The following TRMT61A variants were observed in gnomAD, a reference collection of about 807,000 sequenced individuals.
TRMT61A encodes the protein tRNA methyltransferase 61A.
Under a neutral mutation model 21.3 loss-of-function variants are expected in TRMT61A, and 15 were observed. That is an observed-to-expected ratio of 0.70 (90% CI 0.47 to 1.08). The LOEUF is 1.08. Ranked by LOEUF, TRMT61A falls within the 50% of genes least tolerant of loss-of-function variation. The pLI is 0.00. For missense variants in TRMT61A, 352 were observed against 426.7 expected, an observed-to-expected ratio of 0.83 and a Z score of 1.54; for synonymous variants, 183 against 185.5, an observed-to-expected ratio of 0.99 and a Z score of 0.11.
Position 103,531,139 on chromosome 14 carries a change from TCTC to T in TRMT61A, c.331+833_331+835del, listed in dbSNP as rs2075952754. ...GAGAGAGCTCAATCAAGCAGCACCT[TCTC>T]CTGGCCTCCTCAGATATGCCAGGTC... On this transcript the variant is annotated intron_variant, in intron 2 of 3. Coordinates refer to ENST00000389749, the MANE Select transcript of TRMT61A (RefSeq NM_152307.3). The surrounding 1 kb of genome is among the most constrained non-coding windows in gnomAD (Gnocchi z 5.1). 6.6e-6 allele frequency among the ~76,000 whole-genome samples: 1 copy of T among 152,076 alleles called. No individual in the cohort carries two copies. The highest frequency in any genetic ancestry group is 2.4e-5 in the African/African-American group (1 of 41,398).
chr14:103,535,910 G>A lies in TRMT61A; in HGVS notation c.*1089G>A, dbSNP rs1255591155. 1 of 153,528 alleles carries A rather than the reference G, an allele frequency of 6.5e-6. No homozygotes were observed. The highest frequency in any genetic ancestry group is 2.4e-5 in the African/African-American group (1 of 41,462). 9.5% of individuals were successfully genotyped at this position (153,528 alleles called of 1,614,324 possible). A position where few individuals can be genotyped will look rare whatever the true frequency, so the allele number is the denominator to read the frequency against. ...CTTGGAGCTGCCGCTGGTGCCTAGG[G>A]GGCCTGGGTTTCTGCCCAGGCAGCC... On this transcript the variant is annotated 3_prime_UTR_variant, in exon 4 of 4. Coordinates refer to ENST00000389749, the MANE Select transcript of TRMT61A (RefSeq NM_152307.3).
rs767250337 is a variant in TRMT61A, at chr14:103,530,251, C to T, written c.273C>T (p.Asp91=). 1.9e-6 allele frequency: 3 copies of T among 1,604,232 alleles called. No homozygotes were observed. The highest frequency in any genetic ancestry group is 2.6e-6 in the Non-Finnish European group (3 of 1,172,478). The change falls in exon 2 of 4, where the codon GAC becomes GAT. Residue 91 remains aspartate (D), a synonymous_variant. Transcript: ENST00000389749. ...GCACGCAGATCCTCTACTCCACAGA[C>T]ATCGCCCTCATCACCATGATGTTGG... is the stretch of plus-strand genomic sequence containing the variant. The part of the protein sequence containing the change: ...PHRTQILYST[D]IALITMMLEL...
chr14:103,529,344 A>G (rs2075945494), intron 1 of TRMT61A, 83 bp downstream of exon 1: 1 of 194,906 alleles, frequency 5.1e-6, no homozygotes, highest in Non-Finnish European at 1.1e-5. Context: ...CTGTCCCTCC[A>G]GCCTCGCATG....
Position 103,530,264 on chromosome 14 carries a change from A to AC in TRMT61A, c.288dup (p.Met97HisfsTer13). The AC allele has an allele frequency of 6.2e-7, 1 of 1,600,550 alleles. No homozygotes were observed. Among genetic ancestry groups the AC allele is most frequent in the Non-Finnish European group, 8.6e-7 (1 of 1,169,334 alleles). On this transcript the variant is annotated frameshift_variant, in exon 2 of 4. Coordinates refer to ENST00000389749, the MANE Select transcript of TRMT61A (RefSeq NM_152307.3). LOFTEE classifies it high-confidence loss of function. ...CTACTCCACAGACATCGCCCTCATCACCATGATGTTGGAGCTTCGGCCCGG... is the reference window on the plus strand; with the variant it reads ...CTACTCCACAGACATCGCCCTCATCACCCATGATGTTGGAGCTTCGGCCCGG...
In TRMT61A at chr14:103,530,162, C is replaced by T. The variant is rs1230227834; in HGVS notation, c.184C>T (p.Arg62Ter). Residue 62 changes from arginine (R) to a stop codon, truncating the protein, a stop_gained, in exon 2 of 4, where the codon CGA (arginine) becomes TGA (stop). Transcript: ENST00000389749. LOFTEE classifies it high-confidence loss of function. ...RPFGSKVTCG[R>*]GGWVYVLHPT... ...CTTCGGCTCCAAGGTGACGTGCGGC[C>T]GAGGTGGCTGGGTGTATGTGCTGCA... 2.5e-6 allele frequency: 4 copies of T among 1,612,686 alleles called. No individual in the cohort carries two copies. The highest frequency in any genetic ancestry group is 2.7e-5 in the African/African-American group (2 of 74,934).
Position 103,534,878 on chromosome 14 carries a change from G to T in TRMT61A, c.*57G>T. ...GAGCACTGAAGGGCTGGGCAGGGAGGCCAGAGGCACCTTATATGGTCAGCG... is the reference window on the plus strand; with the variant it reads ...GAGCACTGAAGGGCTGGGCAGGGAGTCCAGAGGCACCTTATATGGTCAGCG... On this transcript the variant is annotated 3_prime_UTR_variant, in exon 4 of 4. Coordinates refer to ENST00000389749, the MANE Select transcript of TRMT61A (RefSeq NM_152307.3). 6.6e-7 allele frequency: 1 copy of T among 1,525,072 alleles called. No individual in the cohort carries two copies. Among genetic ancestry groups the T allele is most frequent in the South Asian group, 1.2e-5 (1 of 83,090 alleles). The allele number at this position is 1,525,072 out of a possible 1,614,324, so 94.5% of individuals were successfully genotyped here.
At chr14:103,533,569 G>A (rs1330832927) in intron 3 of TRMT61A, among the ~76,000 whole-genome samples, 1 of 152,166 alleles carries the variant, frequency 6.6e-6, no homozygotes, top group African/African-American at 2.4e-5. Flanking sequence ...TTCCTGCTCT[G>A]GGGACACTTC....
intron 2 of TRMT61A, among the ~76,000 whole-genome samples, chr14:103,530,604 C>G (rs1309848596): frequency 6.6e-6 from 1 of 152,192 alleles, no homozygotes; most frequent in East Asian, 1.9e-4. Context: ...ATGCTTGGCG[C>G]TGTCCTAGGT....
Position 103,534,787 on chromosome 14 carries a change from G to T in TRMT61A, c.836G>T (p.Gly279Val). 6.4e-7 allele frequency: 1 copy of T among 1,562,470 alleles called. No individual in the cohort carries two copies. ...TPMKEAVGHT[G>V]YLTFATKTPG The stretch of plus-strand genomic sequence containing the variant: ...ATGAAGGAGGCCGTGGGCCACACCG[G>T]CTACCTGACCTTCGCCACCAAGACC... Residue 279 changes from glycine (G) to valine (V), a missense_variant, in exon 4 of 4, where the codon GGC becomes GTC. Coordinates refer to ENST00000389749, the MANE Select transcript of TRMT61A (RefSeq NM_152307.3).
chr14:103,530,848 G>A (rs569931381), intron 2 of TRMT61A, among the ~76,000 whole-genome samples: 1 of 152,358 alleles, frequency 6.6e-6, no homozygotes, highest in South Asian at 2.1e-4. Flanking sequence ...GCCCAGTGTG[G>A]CGATTGAAGC....
chr14:103,531,226 A>C lies in TRMT61A; in HGVS notation c.331+917A>C, dbSNP rs981854861. Among the ~76,000 whole-genome samples, 1 of 152,182 alleles carries C rather than the reference A, an allele frequency of 6.6e-6. No individual in the cohort carries two copies. The highest frequency in any genetic ancestry group is 1.5e-5 in the Non-Finnish European group (1 of 68,014). ...TTCCTGCCCTCGAGGAGGGGGACAC[A>C]GCCTAGGTGAGCATCTCAGTGCCGC... is the stretch of plus-strand genomic sequence containing the variant. On this transcript the variant is annotated intron_variant, in intron 2 of 3. Transcript: ENST00000389749. This position sits in a 1 kb window ranked among gnomAD's most constrained non-coding sequence, Gnocchi z 5.1.
At position 103,535,036 on chromosome 14, in the gene TRMT61A, T is replaced by A. The variant is rs1449126755; in HGVS notation, c.*215T>A. On this transcript the variant is annotated 3_prime_UTR_variant, in exon 4 of 4. Coordinates refer to ENST00000389749, the MANE Select transcript of TRMT61A (RefSeq NM_152307.3). ...CCTCAGCCATTCCTGTCCAGCCCTG[T>A]GGCCCATCCCAGCTGCTGTTTGTTG... 1.9e-5 allele frequency: 14 copies of A among 721,016 alleles called. No homozygotes were observed. Among genetic ancestry groups the A allele is most frequent in the Non-Finnish European group, 3.2e-5 (13 of 402,926 alleles). The allele number at this position is 721,016 out of a possible 1,614,324, so 44.7% of individuals were successfully genotyped here. A position where few individuals can be genotyped will look rare whatever the true frequency, so the allele number is the denominator to read the frequency against.
At position 103,532,723 on chromosome 14, in the gene TRMT61A, CTG is replaced by C. The variant is rs749946605; in HGVS notation, c.476_477del (p.Val159AlafsTer254). On this transcript the variant is annotated frameshift_variant, in exon 3 of 4. Transcript: ENST00000389749. LOFTEE classifies it high-confidence loss of function. ...GAGCACCGTGTGGGCCGCTGGGTGA[CTG>C]TGCGCACCCAGGACGTGTGCCGCAG... The C allele has an allele frequency of 2.5e-6, 4 of 1,611,230 alleles. No individual in the cohort carries two copies. In the South Asian group the frequency reaches 4.4e-5, roughly 18 times the overall value.
In TRMT61A at chr14:103,534,881, A is replaced by G; in HGVS notation, c.*60A>G. The stretch of plus-strand genomic sequence containing the variant: ...CACTGAAGGGCTGGGCAGGGAGGCC[A>G]GAGGCACCTTATATGGTCAGCGATG... On this transcript the variant is annotated 3_prime_UTR_variant, in exon 4 of 4. Coordinates refer to ENST00000389749, the MANE Select transcript of TRMT61A (RefSeq NM_152307.3). 6.6e-7 allele frequency: 1 copy of G among 1,524,316 alleles called. No individual in the cohort carries two copies. The highest frequency in any genetic ancestry group is 1.2e-5 in the South Asian group (1 of 83,090). 94.4% of individuals were successfully genotyped at this position (1,524,316 alleles called of 1,614,324 possible).
chr14:103,533,955 T>C (rs1293178225), intron 3 of TRMT61A, among the ~76,000 whole-genome samples: 1 of 152,118 alleles, frequency 6.6e-6, no homozygotes, highest in Non-Finnish European at 1.5e-5. Context: ...GCCACATACC[T>C]CTACCCGGCC....
rs1173744772 is a variant in TRMT61A, at chr14:103,530,117, G to T, written c.139G>T (p.Val47Phe). The change falls in exon 2 of 4, where the codon GTT (valine) becomes TTT (phenylalanine). Residue 47 changes from valine (V) to phenylalanine (F), a missense_variant. Physicochemically the swap from Val to Phe is conservative, Grantham distance 50 (BLOSUM62 -1). Transcript: ENST00000389749. Reference sequence around the variant, plus strand: ...CCGGCATGGTGTCCTGCGGCACTCAGTTGACCTTATCGGCCGCCCCTTCGG... The same window carrying T: ...CCGGCATGGTGTCCTGCGGCACTCATTTGACCTTATCGGCCGCCCCTTCGG... ...QTRHGVLRHS[V>F]DLIGRPFGSK... 1.2e-6 allele frequency: 2 copies of T among 1,612,904 alleles called. No homozygotes were observed. The highest frequency in any genetic ancestry group is 1.7e-6 in the Non-Finnish European group (2 of 1,180,038).
intron 2 of TRMT61A, among the ~76,000 whole-genome samples, chr14:103,530,999 C>T (rs915942253): frequency 2.6e-5 from 4 of 152,178 alleles, no homozygotes; most frequent in Non-Finnish European, 5.9e-5. Flanking sequence ...CCATGTCCCT[C>T]CCTGGGGTGT....
chr14:103,529,322 G>A (rs1421598659), intron 1 of TRMT61A, 61 bp downstream of exon 1: 1 of 218,586 alleles, frequency 4.6e-6, no homozygotes, highest in South Asian at 4.1e-5. Flanking sequence ...GGCCGGGCAC[G>A]GCGCGCAGGG....
chr14:103,533,044 TG>T (rs1271912493), intron 3 of TRMT61A, among the ~76,000 whole-genome samples, 196 bp downstream of exon 3: 1 of 152,236 alleles, frequency 6.6e-6, no homozygotes, highest in African/African-American at 2.4e-5. Context: ...GGATGGTCCC[TG>T]GCTGGGCCCT....
Sources: allele counts gnomAD v4.1 joint callset (sites outside exome capture counted in the v4.1 genomes callset), GRCh38; gene constraint gnomAD v4.1.1; non-coding constraint Gnocchi (gnomAD v3.1); transcripts MANE v1.5; gene names NCBI Gene and HGNC (gene_info 2026-07-23, HGNC 2026-07-21).